Variants in ST3GAL3 observed in about 807,000 individuals in gnomAD.
The protein encoded by ST3GAL3 is ST3 beta-galactoside alpha-2,3-sialyltransferase 3, also known as CMP-N-acetylneuraminate-beta-1,4-galactoside alpha-2,3-sialyltransferase.
Under a neutral mutation model 50.1 loss-of-function variants are expected in ST3GAL3, and 21 were observed. The observed-to-expected ratio is 0.42, with a 90% CI of 0.30 to 0.60. The LOEUF (loss-of-function observed/expected upper bound fraction) is 0.60, where lower values mean the gene tolerates loss of function less well. ST3GAL3 is among the 20% of genes least tolerant of loss of function. ST3GAL3 has a pLI of 0.19. For missense variants in ST3GAL3, 353 were observed against 489.4 expected, an observed-to-expected ratio of 0.72 and a Z score of 2.63; for synonymous variants, 183 against 190.0, an observed-to-expected ratio of 0.96 and a Z score of 0.30.
chr1:43,831,705 T>G (rs1445317019), intron 4 of ST3GAL3: 1 of 152,240 alleles, frequency 6.6e-6, no homozygotes, highest in Non-Finnish European at 1.5e-5. Context: ...GCGCTATCCT[T>G]CCTGAGACCT....
At position 43,899,878 on chromosome 1, in the gene ST3GAL3, G is replaced by C. The variant is rs2078001387; in HGVS notation, c.744+151G>C. The C allele has an allele frequency of 2.4e-6, 2 of 841,484 alleles. No homozygotes were observed. Among genetic ancestry groups the C allele is most frequent in the South Asian group, 1.4e-5 (1 of 69,184 alleles). The allele number at this position is 841,484 out of a possible 1,614,324, so 52.1% of individuals were successfully genotyped here. On this transcript the variant is annotated intron_variant, in intron 9 of 11. Coordinates refer to ENST00000347631, the MANE Select transcript of ST3GAL3 (RefSeq NM_006279.5). The surrounding 1 kb of genome is among the most constrained non-coding windows in gnomAD (Gnocchi z 5.4). ...AGCCGAAATCACCCAATGGCAACCA[G>C]GGGGCAAAGAGGTCAGGAGATTGCC...
At chr1:43,906,334 C>T (rs984619264) in intron 9 of ST3GAL3, among the ~76,000 whole-genome samples, 4 of 147,238 alleles carry the variant, frequency 2.7e-5, no homozygotes, top group Non-Finnish European at 6.0e-5. Context: ...TCTTCTTTCT[C>T]CTCCTCCTGT....
chr1:43,905,154 C>G (rs2079061014), intron 9 of ST3GAL3, among the ~76,000 whole-genome samples: 1 of 134,086 alleles, frequency 7.5e-6, no homozygotes, highest in Non-Finnish European at 1.6e-5. Flanking sequence ...CCTCTTCCCA[C>G]CACTCTTCTC....
intron 2 of ST3GAL3, among the ~76,000 whole-genome samples, chr1:43,744,683 T>TAAATAAATA (rs1340747335): frequency 2.1e-5 from 3 of 143,136 alleles, no homozygotes; most frequent in South Asian, 2.1e-4. Flanking sequence ...AATAAATAAA[T>TAAATAAATA]AAATAAAATA....
intron 5 of ST3GAL3, chr1:43,879,154 C>T (rs887207346): frequency 6.7e-6 from 3 of 447,070 alleles, no homozygotes; most frequent in African/African-American, 2.0e-5. Flanking sequence ...AACATAGAAC[C>T]AGCCTTGGAA....
chr1:43,931,044 GGT>G lies in ST3GAL3; in HGVS notation c.*825_*826del, dbSNP rs1435140617. On this transcript the variant is annotated 3_prime_UTR_variant, in exon 12 of 12. Transcript: ENST00000347631. ...CTAGGTTTCAGCAACAAGACTGCCA[GGT>G]GGTTGGGTTCTGCCTTTAGCCTGGA... 2 of 152,966 alleles carry G rather than the reference GGT, an allele frequency of 1.3e-5. No homozygotes were observed. Among genetic ancestry groups the G allele is most frequent in the Non-Finnish European group, 2.9e-5 (2 of 68,296 alleles). 9.5% of individuals were successfully genotyped at this position (152,966 alleles called of 1,614,324 possible).
At chr1:43,877,079 A>G (rs770087532) in intron 5 of ST3GAL3, among the ~76,000 whole-genome samples, 3 of 152,180 alleles carry the variant, frequency 2.0e-5, no homozygotes, top group Non-Finnish European at 4.4e-5. Context: ...GGTTTCTATC[A>G]CTAGCTTGAC....
chr1:43,853,375 C>T (rs2067712457), intron 5 of ST3GAL3, among the ~76,000 whole-genome samples: 1 of 152,126 alleles, frequency 6.6e-6, no homozygotes, highest in African/African-American at 2.4e-5. Flanking sequence ...TTAATTCTCC[C>T]AACAATCATA....
intron 6 of ST3GAL3, chr1:43,896,818 T>A (rs549594069): frequency 6.6e-6 from 1 of 152,202 alleles, no homozygotes; most frequent in Non-Finnish European, 1.5e-5. Context: ...GTGCTGGGAT[T>A]ACAGGTGTGA....
chr1:43,780,724 G>T (rs1019741285), intron 2 of ST3GAL3, among the ~76,000 whole-genome samples: 4 of 149,518 alleles, frequency 2.7e-5, no homozygotes, highest in Non-Finnish European at 4.5e-5. Context: ...TTTTCTTTTT[G>T]TTCACCTCAC....
At chr1:43,773,740 T>A (rs1455719456) in intron 2 of ST3GAL3, among the ~76,000 whole-genome samples, 1 of 152,204 alleles carries the variant, frequency 6.6e-6, no homozygotes, top group Non-Finnish European at 1.5e-5. Context: ...ACAATGGACT[T>A]AATTCTTACA....
intron 2 of ST3GAL3, among the ~76,000 whole-genome samples, chr1:43,761,788 A>C (rs1690480880): frequency 6.6e-6 from 1 of 151,118 alleles, no homozygotes. Context: ...GTCTCTACTA[A>C]AAATACAAAA....
At chr1:43,788,751 A>G (rs2057670178) in intron 2 of ST3GAL3, among the ~76,000 whole-genome samples, 1 of 152,228 alleles carries the variant, frequency 6.6e-6, no homozygotes, top group Non-Finnish European at 1.5e-5. Flanking sequence ...ATGAATAGAC[A>G]GTCTTTGTCT....
intron 2 of ST3GAL3, 144 bp downstream of exon 2, chr1:43,736,524 C>T (rs1678530256): frequency 2.0e-6 from 3 of 1,470,076 alleles, no homozygotes; most frequent in South Asian, 2.3e-5. Flanking sequence ...TAGAAATTGC[C>T]TGCCATTTTA....
intron 2 of ST3GAL3, among the ~76,000 whole-genome samples, chr1:43,765,704 G>A (rs1167365192): frequency 6.6e-6 from 1 of 151,140 alleles, no homozygotes; most frequent in Non-Finnish European, 1.5e-5. Context: ...CTCTGGAAAG[G>A]CAAAAAAGGG....
intron 5 of ST3GAL3, chr1:43,851,381 T>A: frequency 4.4e-6 from 7 of 1,602,846 alleles, no homozygotes; most frequent in Admixed American, 1.7e-5. Flanking sequence ...CAGGGGAGCC[T>A]GAGCAAGGCT....
At chr1:43,728,270 C>T (rs1006467251) in intron 1 of ST3GAL3, among the ~76,000 whole-genome samples, 11 of 152,194 alleles carry the variant, frequency 7.2e-5, no homozygotes, top group African/African-American at 2.2e-4. Context: ...CCAAGATCTA[C>T]GGAGGTTATC....
intron 1 of ST3GAL3, among the ~76,000 whole-genome samples, chr1:43,729,462 A>G (rs759943008): frequency 1.2e-4 from 19 of 152,096 alleles, no homozygotes; most frequent in Non-Finnish European, 1.5e-5. Flanking sequence ...TTCCCTTTCC[A>G]TATTTGTAAC....
At chr1:43,921,953 G>T in intron 11 of ST3GAL3, 1 of 394,070 alleles carries the variant, frequency 2.5e-6, no homozygotes, top group Non-Finnish European at 4.5e-6. Context: ...AACACTTTTC[G>T]TGTTGGCCAC....
Sources: allele counts gnomAD v4.1 joint callset (sites outside exome capture counted in the v4.1 genomes callset), GRCh38; gene constraint gnomAD v4.1.1; non-coding constraint Gnocchi (gnomAD v3.1); transcripts MANE v1.5; gene names NCBI Gene and HGNC (gene_info 2026-07-23, HGNC 2026-07-21).